The following CASTOR2 variants were observed in gnomAD, a reference collection of about 807,000 sequenced individuals.
CASTOR2 encodes cytosolic arginine sensor for mTORC1 subunit 2.
CASTOR2 carries 8 observed loss-of-function variants against 31.2 expected under a neutral mutation model. The ratio of observed to expected loss-of-function variants is 0.26; its 90% CI spans 0.15 to 0.46. The LOEUF is 0.46. Among genes scored for constraint, CASTOR2 ranks in the 20% least tolerant of loss-of-function variants. The probability of loss-of-function intolerance (pLI) is 0.99; values close to 1 mark genes in which losing one functional copy is unlikely to be tolerated. For missense variants in CASTOR2, 216 were observed against 382.1 expected, an observed-to-expected ratio of 0.57 and a Z score of 3.62; for synonymous variants, 162 against 158.7, an observed-to-expected ratio of 1.02 and a Z score of -0.16.
chr7:75,011,192 G>T (rs2131947949), intron 2 of CASTOR2, among the ~76,000 whole-genome samples: 1 of 152,128 alleles, frequency 6.6e-6, no homozygotes, highest in South Asian at 2.1e-4. Context: ...ACTTTGTGAG[G>T]CTGAGGCAGG....
chr7:74,974,437 CAG>C (rs1336884786), intron 1 of CASTOR2, among the ~76,000 whole-genome samples: 1 of 150,854 alleles, frequency 6.6e-6, no homozygotes, highest in Non-Finnish European at 1.5e-5. Flanking sequence ...GAGGCCCACA[CAG>C]GGGGCATGGC....
rs1474422552 is a variant in CASTOR2, at chr7:75,017,663, G to A, written c.250G>A (p.Gly84Ser). Residue 84 changes from glycine to serine, a missense_variant, in exon 3 of 9, where the codon GGC (glycine) becomes AGC (serine). Gly to Ser is a moderately conservative substitution (Grantham distance 56). Around this residue, in one of 5 missense-constraint regions of CASTOR2, gnomAD observed 114 missense variants for 194.2 expected, o/e 0.59. Coordinates refer to ENST00000616305, the MANE Select transcript of CASTOR2 (RefSeq NM_001145064.3). ...ATWLALNVVSGGGSFSSSQPI... is the reference protein window; with the variant it reads ...ATWLALNVVSSGGSFSSSQPI... ...CTGGCTGGCCCTGAACGTGGTGTCC[G>A]GCGGTGGCAGCTTCTCCAGCTCCCA... 16 of 1,614,028 alleles carry A rather than the reference G, an allele frequency of 9.9e-6. No homozygotes were observed. The highest frequency in any genetic ancestry group is 1.7e-4 in the Middle Eastern group (1 of 6,056).
At chr7:74,986,340 A>G (rs1804065203) in intron 1 of CASTOR2, among the ~76,000 whole-genome samples, 1 of 151,778 alleles carries the variant, frequency 6.6e-6, no homozygotes, top group African/African-American at 2.4e-5. Context: ...ACAAAAAAAG[A>G]ATTAGCCAGG....
In CASTOR2 at chr7:75,028,012, C is replaced by T. The variant is rs888464237; in HGVS notation, c.*3313C>T. 7.2e-6 allele frequency: 11 copies of T among 1,534,546 alleles called. No homozygotes were observed. The highest frequency in any genetic ancestry group is 2.7e-5 in the African/African-American group (2 of 72,998). ...TGCATGGAACTCCTTACCTGTTTGC[C>T]GTCCATCCCCCGGAGGTAATCAGAG... On this transcript the variant is annotated 3_prime_UTR_variant, in exon 9 of 9. Transcript: ENST00000616305.
chr7:74,995,511 G>GAAAAAAAAAAAAAAA, intron 1 of CASTOR2, among the ~76,000 whole-genome samples: 1 of 88,452 alleles, frequency 1.1e-5, no homozygotes, highest in Admixed American at 1.6e-4. Flanking sequence ...ACAAAAAAAT[G>GAAAAAAAAAAAAAAA]AAAAAAAAAA....
chr7:74,975,271 G>A (rs1803775902), intron 1 of CASTOR2, among the ~76,000 whole-genome samples: 1 of 151,314 alleles, frequency 6.6e-6, no homozygotes, highest in Non-Finnish European at 1.5e-5. Flanking sequence ...CTGGCCAACT[G>A]TGGTAGTTTT....
intron 1 of CASTOR2, among the ~76,000 whole-genome samples, chr7:74,978,170 C>A (rs1803869808): frequency 6.8e-6 from 1 of 147,578 alleles, no homozygotes; most frequent in South Asian, 2.1e-4. Context: ...ATGGTGCGAT[C>A]TTGGCTCATT....
In CASTOR2 at chr7:75,028,782, C is replaced by T. The variant is rs1287356615; in HGVS notation, c.*4083C>T. 6.6e-6 allele frequency among the ~76,000 whole-genome samples: 1 copy of T among 152,184 alleles called. No homozygotes were observed. The highest frequency in any genetic ancestry group is 1.9e-4 in the East Asian group (1 of 5,198). ...CCGCCCTCCTTCAAGGGGCACTGCC[C>T]ACACCACTGTCCTCAGCCCGAGGCA... On this transcript the variant is annotated 3_prime_UTR_variant, in exon 9 of 9. Coordinates refer to ENST00000616305, the MANE Select transcript of CASTOR2 (RefSeq NM_001145064.3).
At chr7:75,020,227 C>T in intron 6 of CASTOR2, 78 bp downstream of exon 6, 2 of 1,271,100 alleles carry the variant, frequency 1.6e-6, no homozygotes, top group South Asian at 1.3e-5. Context: ...GGCACATCAC[C>T]CACTTTGTCT....
Position 75,007,862 on chromosome 7 carries a change from C to T in CASTOR2, c.114-132C>T, listed in dbSNP as rs1473458399. On this transcript the variant is annotated intron_variant, in intron 1 of 8. Coordinates refer to ENST00000616305, the MANE Select transcript of CASTOR2 (RefSeq NM_001145064.3). ...TGAAGGGAGAGATAAACAACTTACC[C>T]GCGGTCACCCCAGCAGCCTGGGGCC... 56 of 1,223,764 alleles carry T rather than the reference C, an allele frequency of 4.6e-5. 2 individuals are homozygous for T. The East Asian group carries it at 5.3e-4, about 12-fold the overall frequency. 75.8% of individuals were successfully genotyped at this position (1,223,764 alleles called of 1,614,324 possible).
At chr7:74,989,627 G>A (rs1804157517) in intron 1 of CASTOR2, among the ~76,000 whole-genome samples, 1 of 150,576 alleles carries the variant, frequency 6.6e-6, no homozygotes, top group African/African-American at 2.4e-5. Context: ...TGTTGCCCAG[G>A]CTGGTCTTGA....
intron 1 of CASTOR2, among the ~76,000 whole-genome samples, chr7:74,999,118 C>T (rs1350988417): frequency 1.3e-5 from 2 of 152,096 alleles, no homozygotes; most frequent in African/African-American, 2.4e-5. Flanking sequence ...GCCTCAGCCT[C>T]CCGAGTAGCT....
chr7:74,993,787 CTG>C (rs1804269895), intron 1 of CASTOR2, among the ~76,000 whole-genome samples: 1 of 129,020 alleles, frequency 7.8e-6, no homozygotes, highest in Non-Finnish European at 1.6e-5. Context: ...TGGTGGTAAA[CTG>C]TGCCACAGAT....
intron 1 of CASTOR2, among the ~76,000 whole-genome samples, chr7:74,992,822 G>A (rs1237661543): frequency 1.3e-4 from 20 of 152,168 alleles, no homozygotes; most frequent in African/African-American, 4.8e-4. Context: ...AGGATTGCTT[G>A]AGCCCAGGAG....
Position 75,030,269 on chromosome 7 carries a change from G to T in CASTOR2, c.*5570G>T, listed in dbSNP as rs1044855321. On this transcript the variant is annotated 3_prime_UTR_variant, in exon 9 of 9. Coordinates refer to ENST00000616305, the MANE Select transcript of CASTOR2 (RefSeq NM_001145064.3). ...TGTTCCTATGCATTAGAGTGTGTGC[G>T]TGCACGTGTGCAGAGCCCACACCTG... Among the ~76,000 whole-genome samples, 2 of 152,250 alleles carry T rather than the reference G, an allele frequency of 1.3e-5. No homozygotes were observed. Among genetic ancestry groups the T allele is most frequent in the African/African-American group, 2.4e-5 (1 of 41,468 alleles).
intron 2 of CASTOR2, among the ~76,000 whole-genome samples, chr7:75,016,752 C>G (rs1447554061): frequency 6.6e-6 from 1 of 152,200 alleles, no homozygotes; most frequent in Admixed American, 6.5e-5. Flanking sequence ...AACTGAGGCT[C>G]GGTGCAGATC....
intron 5 of CASTOR2, among the ~76,000 whole-genome samples, chr7:75,019,580 C>T (rs1212190152): frequency 6.6e-6 from 1 of 152,224 alleles, no homozygotes; most frequent in Non-Finnish European, 1.5e-5. Flanking sequence ...GCCCCAAAGA[C>T]TCATTGGGAG....
chr7:74,992,440 C>T (rs1217018591), intron 1 of CASTOR2, among the ~76,000 whole-genome samples: 7 of 151,904 alleles, frequency 4.6e-5, no homozygotes, highest in Admixed American at 3.3e-4. Flanking sequence ...TGTCTCTACA[C>T]GAAAAGATTT....
chr7:74,993,445 CTTTTTT>C (rs1156811360), intron 1 of CASTOR2, among the ~76,000 whole-genome samples: 2 of 77,610 alleles, frequency 2.6e-5, no homozygotes, highest in Non-Finnish European at 2.5e-5. Flanking sequence ...CCTCCTTTGT[CTTTTTT>C]TTTTTTTTTT....
Sources: gnomAD v4.1 joint callset for allele counts (sites outside exome capture counted in the v4.1 genomes callset) on GRCh38, gnomAD v4.1.1 for gene constraint, gnomAD v4.1.1 regional missense constraint, MANE v1.5 for transcripts, NCBI Gene and HGNC (gene_info 2026-07-23, HGNC 2026-07-21) for gene names.